RBFOX1: variants seen among roughly 807,000 people sequenced by gnomAD.
RBFOX1 encodes the protein RNA binding fox-1 homolog 1, also known as RNA binding protein fox-1 homolog 1.
In RBFOX1, 8 loss-of-function variants were observed where a neutral mutation model predicts 57.7. The observed-to-expected ratio is 0.14, with a 90% confidence interval of 0.08 to 0.25. RBFOX1 has a LOEUF of 0.25. Ranked by LOEUF, RBFOX1 falls within the 10% of genes least tolerant of loss-of-function variation. The pLI, the probability that RBFOX1 is intolerant of heterozygous loss-of-function variation, is 1.00. For synonymous variants in RBFOX1, 326 were observed against 222.4 expected (o/e 1.47, Z -4.15); for missense variants, 611 against 548.5 (o/e 1.11, Z -1.14).
intron 4 of RBFOX1, among the ~76,000 whole-genome samples, chr16:7,488,917 A>G (rs895561250): frequency 2.0e-5 from 3 of 152,196 alleles, no homozygotes; most frequent in Admixed American, 6.5e-5. Context: ...ACGTTCATCA[A>G]TCCATCAGTC....
intron 4 of RBFOX1, among the ~76,000 whole-genome samples, chr16:7,471,446 T>A (rs541248786): frequency 1.3e-5 from 2 of 152,352 alleles, no homozygotes; most frequent in African/African-American, 4.8e-5. Context: ...GATGTTACCA[T>A]GACTCATTTT....
chr16:5,775,761 A>T (rs2054126969), intron 3 of RBFOX1, among the ~76,000 whole-genome samples: 1 of 152,244 alleles, frequency 6.6e-6, no homozygotes, highest in Non-Finnish European at 1.5e-5. Flanking sequence ...ATGTCCACTA[A>T]CGTAGGGGTT....
At position 5,595,029 on chromosome 16, in the gene RBFOX1, C is replaced by G. The variant is rs28440190; in HGVS notation, c.259-3873C>G. ...GGTATGGTGGTGGGCACCTCCAATC[C>G]CAGCTGCTCAGGAGGCTGAGGCAGG... On this transcript the variant is annotated intron_variant, in intron 2 of 2. Transcript: ENST00000585867. 1.8e-3 allele frequency among the ~76,000 whole-genome samples: 276 copies of G among 150,724 alleles called. 2 individuals carry two copies. Among genetic ancestry groups the G allele is most frequent in the African/African-American group, 6.2e-3 (256 of 41,020 alleles).
intron 3 of RBFOX1, among the ~76,000 whole-genome samples, chr16:6,692,919 C>G (rs1264979446): frequency 6.6e-6 from 1 of 151,402 alleles, no homozygotes; most frequent in Non-Finnish European, 1.5e-5. Context: ...CTTCATAGTA[C>G]TACCATCACC....
intron 4 of RBFOX1, among the ~76,000 whole-genome samples, chr16:7,454,867 C>A (rs1039290304): frequency 2.0e-5 from 3 of 152,330 alleles, no homozygotes; most frequent in East Asian, 1.9e-4. Context: ...ACATCAGGTA[C>A]CACAGTGTTA....
intron 3 of RBFOX1, among the ~76,000 whole-genome samples, chr16:5,740,076 C>A (rs1436166316): frequency 6.6e-6 from 1 of 152,116 alleles, no homozygotes; most frequent in African/African-American, 2.4e-5. Flanking sequence ...AAGCCCAACG[C>A]TTGTTGGCAG....
intron 3 of RBFOX1, among the ~76,000 whole-genome samples, chr16:6,948,592 G>T (rs949477081): frequency 6.6e-6 from 1 of 151,774 alleles, no homozygotes; most frequent in East Asian, 1.9e-4. Context: ...ATGTTGGCCA[G>T]ACTGGTCTTG....
At chr16:6,412,790 G>C (rs577503809) in intron 2 of RBFOX1, among the ~76,000 whole-genome samples, 1 of 152,180 alleles carries the variant, frequency 6.6e-6, no homozygotes, top group African/African-American at 2.4e-5. Context: ...CAGTGAGCAA[G>C]AGTGTGGAAT....
At chr16:7,327,937 G>A (rs7191992) in intron 4 of RBFOX1, among the ~76,000 whole-genome samples, 6,597 of 152,206 alleles carry the variant, frequency 0.043, 399 homozygotes, top group African/African-American at 0.13. Context: ...TGAGGCAGGA[G>A]TTGGTCTTCT....
chr16:6,937,692 G>C (rs1191629478), intron 3 of RBFOX1, among the ~76,000 whole-genome samples: 1 of 152,114 alleles, frequency 6.6e-6, no homozygotes, highest in East Asian at 1.9e-4. Flanking sequence ...TTGGCAATTG[G>C]TTAAAAGAGT....
intron 2 of RBFOX1, among the ~76,000 whole-genome samples, chr16:6,319,641 A>T (rs1173972472): frequency 2.6e-5 from 4 of 152,184 alleles, no homozygotes; most frequent in African/African-American, 9.6e-5. Context: ...GTCTAGAGTA[A>T]CAGATTGGCC....
At chr16:7,170,253 C>G (rs992202089) in intron 4 of RBFOX1, among the ~76,000 whole-genome samples, 2 of 152,120 alleles carry the variant, frequency 1.3e-5, no homozygotes, top group African/African-American at 4.8e-5. Context: ...ATTTATCCTC[C>G]TGCTCCTCAC....
chr16:6,758,780 G>T (rs180969552), intron 3 of RBFOX1, among the ~76,000 whole-genome samples: 4 of 152,076 alleles, frequency 2.6e-5, no homozygotes, highest in Non-Finnish European at 5.9e-5. Context: ...TGCATCATGG[G>T]GTTGAGAGGG....
chr16:7,404,730 C>G (rs148227385), intron 4 of RBFOX1, among the ~76,000 whole-genome samples: 4 of 152,086 alleles, frequency 2.6e-5, no homozygotes, highest in African/African-American at 9.6e-5. Context: ...ACAAACAAAA[C>G]CGAATGCACT....
At chr16:6,910,155 G>C (rs1315617833) in intron 3 of RBFOX1, among the ~76,000 whole-genome samples, 1 of 151,952 alleles carries the variant, frequency 6.6e-6, no homozygotes, top group Non-Finnish European at 1.5e-5. Flanking sequence ...GGCTTTGATG[G>C]AACTCTAGGA....
intron 4 of RBFOX1, among the ~76,000 whole-genome samples, chr16:7,191,660 G>C (rs758755547): frequency 6.6e-6 from 1 of 152,214 alleles, no homozygotes; most frequent in African/African-American, 2.4e-5. Context: ...TACAGTGCGT[G>C]TTTCCGTCAG....
At chr16:5,462,874 G>C (rs1226581814) in intron 1 of RBFOX1, among the ~76,000 whole-genome samples, 1 of 152,114 alleles carries the variant, frequency 6.6e-6, no homozygotes, top group African/African-American at 2.4e-5. Flanking sequence ...GGCATGGGAC[G>C]AGCCCCACGA....
chr16:6,670,207 G>C (rs2098755607), intron 3 of RBFOX1, among the ~76,000 whole-genome samples: 1 of 152,148 alleles, frequency 6.6e-6, no homozygotes, highest in South Asian at 2.1e-4. Flanking sequence ...GGAACCACAG[G>C]AGTGCACCGT....
chr16:6,379,794 C>A (rs966748486), intron 2 of RBFOX1, among the ~76,000 whole-genome samples: 1 of 151,804 alleles, frequency 6.6e-6, no homozygotes, highest in Non-Finnish European at 1.5e-5. Context: ...ACAGTCAGTT[C>A]CACTAAGTTT....
Sources: allele counts gnomAD v4.1 joint callset (sites outside exome capture counted in the v4.1 genomes callset), GRCh38; gene constraint gnomAD v4.1.1; transcripts MANE v1.5; gene names NCBI Gene and HGNC (gene_info 2026-07-23, HGNC 2026-07-21).